The following VGLL2 variants were observed in gnomAD, a reference collection of about 807,000 sequenced individuals.
VGLL2 encodes the protein transcription cofactor vestigial-like protein 2.
VGLL2 carries 18 observed loss-of-function variants against 27.0 expected under a neutral mutation model. The observed-to-expected ratio is 0.67, with a 90% CI of 0.46 to 0.99. The LOEUF is 0.99. VGLL2 is among the 50% of genes least tolerant of loss of function. VGLL2 has a pLI of 0.00. For missense variants in VGLL2, 491 were observed against 452.3 expected (o/e 1.09, Z -0.78); for synonymous variants, 220 against 201.1 (o/e 1.09, Z -0.80).
chr6:117,271,694 G>A (rs939287881), intron 3 of VGLL2, among the ~76,000 whole-genome samples: 4 of 152,144 alleles, frequency 2.6e-5, no homozygotes, highest in Admixed American at 2.6e-4. Flanking sequence ...TAGAGTAGCT[G>A]CTGAGAGTAC....
Position 117,270,908 on chromosome 6 carries a change from C to G in VGLL2, c.757C>G (p.Arg253Gly), listed in dbSNP as rs1422700317. 2.4e-6 allele frequency: 3 copies of G among 1,257,894 alleles called. No homozygotes were observed. The highest frequency in any genetic ancestry group is 4.2e-5 in the Admixed American group (1 of 23,930). 77.9% of individuals were successfully genotyped at this position (1,257,894 alleles called of 1,614,324 possible). The change falls in exon 3 of 4, where the codon CGC (arginine) becomes GGC (glycine). Residue 253 changes from arginine (R) to glycine (G), a missense_variant. Transcript: ENST00000326274. ...GCCAGCCGCCTCGGGGCGCCCGGCCCGCCTCGCAACCGCCCCGGCGCCCGC... is the reference window on the plus strand; with the variant it reads ...GCCAGCCGCCTCGGGGCGCCCGGCCGGCCTCGCAACCGCCCCGGCGCCCGC... The part of the protein sequence containing the change: ...LMPAASGRPA[R>G]LATAPAPAPG...
chr6:117,271,948 G>C (rs1773210295), intron 3 of VGLL2, among the ~76,000 whole-genome samples: 1 of 152,128 alleles, frequency 6.6e-6, no homozygotes, highest in Admixed American at 6.5e-5. Flanking sequence ...GAAAGAAATA[G>C]TTATATAATA....
rs551230308 is a variant in VGLL2, at chr6:117,273,292, C to T, written c.*798C>T. On this transcript the variant is annotated 3_prime_UTR_variant, in exon 4 of 4. Coordinates refer to ENST00000326274, the MANE Select transcript of VGLL2 (RefSeq NM_182645.3). ...ACATTTTATGATGAAAGAAGAAACC[C>T]TTCTCTGCCTTCTCTCCCACGAATT... is the stretch of plus-strand genomic sequence containing the variant. 5 of 152,132 alleles carry T rather than the reference C, an allele frequency of 3.3e-5. No individual in the cohort carries two copies. Among genetic ancestry groups the T allele is most frequent in the African/African-American group, 9.7e-5 (4 of 41,424 alleles). The allele number at this position is 152,132 out of a possible 1,614,324, so 9.4% of individuals were successfully genotyped here. A position where few individuals can be genotyped will look rare whatever the true frequency, so the allele number is the denominator to read the frequency against.
At position 117,270,725 on chromosome 6, in the gene VGLL2, G is replaced by C; in HGVS notation, c.574G>C (p.Glu192Gln). The C allele has an allele frequency of 6.6e-7, 1 of 1,525,840 alleles. No individual in the cohort carries two copies. Among genetic ancestry groups the C allele is most frequent in the South Asian group, 1.2e-5 (1 of 83,182 alleles). 94.5% of individuals were successfully genotyped at this position (1,525,840 alleles called of 1,614,324 possible). The change falls in exon 3 of 4, where the codon GAG (glutamate) becomes CAG (glutamine). Residue 192 changes from glutamate to glutamine, a missense_variant. Physicochemically the swap from Glu to Gln is conservative, Grantham distance 29. Coordinates refer to ENST00000326274, the MANE Select transcript of VGLL2 (RefSeq NM_182645.3). ...TGGCCACCTGCACCAGGGCGCCACG[G>C]AGCCCTGGCACCACGCGCACCCGCA... The part of the protein sequence containing the change: ...LHGHLHQGAT[E>Q]PWHHAHPHHA...
chr6:117,270,495 C>T (rs1773161993), intron 2 of VGLL2, 48 bp from the exon 3 acceptor site: 3 of 1,525,320 alleles, frequency 2.0e-6, no homozygotes, highest in Non-Finnish European at 1.8e-6. Context: ...CGCAGTGACA[C>T]GCACCTCTTT....
chr6:117,270,913 C>T lies in VGLL2; in HGVS notation c.762C>T (p.Leu254=), dbSNP rs959381793. ...CCGCCTCGGGGCGCCCGGCCCGCCT[C>T]GCAACCGCCCCGGCGCCCGCGCCCG... ...MPAASGRPAR[L]ATAPAPAPGS... Residue 254 remains leucine (L), a synonymous_variant, in exon 3 of 4, where the codon CTC becomes CTT. Transcript: ENST00000326274. The T allele has an allele frequency of 1.6e-6, 2 of 1,250,470 alleles. No individual in the cohort carries two copies. Among genetic ancestry groups the T allele is most frequent in the South Asian group, 3.2e-5 (1 of 31,474 alleles). 77.5% of individuals were successfully genotyped at this position (1,250,470 alleles called of 1,614,324 possible).
chr6:117,271,375 G>A (rs1194080890), intron 3 of VGLL2, among the ~76,000 whole-genome samples: 1 of 150,438 alleles, frequency 6.6e-6, no homozygotes, highest in Non-Finnish European at 1.5e-5. Flanking sequence ...TTCTAGCTCT[G>A]CGCTGTTCAA....
Position 117,272,682 on chromosome 6 carries a change from G to C in VGLL2, c.*188G>C, listed in dbSNP as rs1249078022. 1 of 774,936 alleles carries C rather than the reference G, an allele frequency of 1.3e-6. No individual in the cohort carries two copies. Among genetic ancestry groups the C allele is most frequent in the African/African-American group, 1.8e-5 (1 of 56,770 alleles). 48.0% of individuals were successfully genotyped at this position (774,936 alleles called of 1,614,324 possible). A position where few individuals can be genotyped will look rare whatever the true frequency, so the allele number is the denominator to read the frequency against. On this transcript the variant is annotated 3_prime_UTR_variant, in exon 4 of 4. Transcript: ENST00000326274. ...AAAAATAAGTCCTGCTGCTGAAAGAGCAAATCCAAAGACTGAGTTATGTTT... is the reference window on the plus strand; with the variant it reads ...AAAAATAAGTCCTGCTGCTGAAAGACCAAATCCAAAGACTGAGTTATGTTT...
At chr6:117,271,581 A>C (rs1773202840) in intron 3 of VGLL2, among the ~76,000 whole-genome samples, 1 of 152,152 alleles carries the variant, frequency 6.6e-6, no homozygotes, top group African/African-American at 2.4e-5. Context: ...ATCGATTATA[A>C]AAAGTTTCAT....
chr6:117,265,699 A>G lies in VGLL2; in HGVS notation c.-65A>G. 2 of 1,411,876 alleles carry G rather than the reference A, an allele frequency of 1.4e-6. No homozygotes were observed. Among genetic ancestry groups the G allele is most frequent in the Admixed American group, 1.7e-5 (1 of 58,416 alleles). 87.5% of individuals were successfully genotyped at this position (1,411,876 alleles called of 1,614,324 possible). On this transcript the variant is annotated 5_prime_UTR_variant, in exon 1 of 4. Coordinates refer to ENST00000326274, the MANE Select transcript of VGLL2 (RefSeq NM_182645.3). ...CGGGTCCAAGCGCCGCCCATGCAGC[A>G]CCCCTGAGCTCCGGGGAAGGAGAGT... is the stretch of plus-strand genomic sequence containing the variant.
Position 117,272,668 on chromosome 6 carries a change from C to A in VGLL2, c.*174C>A. 1.1e-6 allele frequency: 1 copy of A among 898,396 alleles called. No homozygotes were observed. Among genetic ancestry groups the A allele is most frequent in the Non-Finnish European group, 1.7e-6 (1 of 601,618 alleles). The allele number at this position is 898,396 out of a possible 1,614,324, so 55.7% of individuals were successfully genotyped here. Reference sequence around the variant, plus strand: ...ACAGAAATTCATCTAAAAATAAGTCCTGCTGCTGAAAGAGCAAATCCAAAG... The same window carrying A: ...ACAGAAATTCATCTAAAAATAAGTCATGCTGCTGAAAGAGCAAATCCAAAG... On this transcript the variant is annotated 3_prime_UTR_variant, in exon 4 of 4. Coordinates refer to ENST00000326274, the MANE Select transcript of VGLL2 (RefSeq NM_182645.3).
chr6:117,271,256 C>G (rs961356955), intron 3 of VGLL2, among the ~76,000 whole-genome samples, 192 bp downstream of exon 3: 9 of 150,140 alleles, frequency 6.0e-5, no homozygotes, highest in African/African-American at 2.2e-4. Flanking sequence ...AAGTAGGACC[C>G]TACCCTAACC....
Position 117,270,781 on chromosome 6 carries a change from GGGCGGCGCCCTC to G in VGLL2, c.635_646del (p.Gly212_Gly215del). ...CGCACCCGCATCACCCCTACGCCCTGGGCGGCGCCCTCGGCGCCCAGGCCGCCCCCTACCCGC... is the reference window on the plus strand; with the variant it reads ...CGCACCCGCATCACCCCTACGCCCTGGGCGCCCAGGCCGCCCCCTACCCGC... On this transcript the variant is annotated inframe_deletion, in exon 3 of 4. Coordinates refer to ENST00000326274, the MANE Select transcript of VGLL2 (RefSeq NM_182645.3). 1 of 1,452,710 alleles carries G rather than the reference GGGCGGCGCCCTC, an allele frequency of 6.9e-7. No individual in the cohort carries two copies. The highest frequency in any genetic ancestry group is 9.0e-7 in the Non-Finnish European group (1 of 1,108,830). The allele number at this position is 1,452,710 out of a possible 1,614,324, so 90.0% of individuals were successfully genotyped here.
Position 117,270,538 on chromosome 6 carries a change from T to A in VGLL2, c.392-5T>A, listed in dbSNP as rs1224888843. The A allele has an allele frequency of 3.1e-6, 5 of 1,591,834 alleles. No individual in the cohort carries two copies. The highest frequency in any genetic ancestry group is 4.3e-6 in the Non-Finnish European group (5 of 1,170,516). On this transcript the variant is annotated splice_region_variant and splice_polypyrimidine_tract_variant and intron_variant, in intron 2 of 3. Transcript: ENST00000326274. ...CTCCACTCCGCCTCCCCGGCCGGCC[T>A]ACAGACTGCTCCTTCCCGATGAGCC...
intron 2 of VGLL2, 140 bp downstream of exon 2, chr6:117,268,631 A>G (rs1022498511): frequency 2.2e-6 from 2 of 924,386 alleles, no homozygotes; most frequent in East Asian, 5.3e-5. Flanking sequence ...GGAAAGGGTA[A>G]GGAAAACGCA....
chr6:117,270,417 G>A, intron 2 of VGLL2, 126 bp from the exon 3 acceptor site: 1 of 1,274,018 alleles, frequency 7.8e-7, no homozygotes, highest in Non-Finnish European at 1.0e-6. Flanking sequence ...GCCATGGCTA[G>A]CCAGCCCTGT....
chr6:117,272,444 T>G lies in VGLL2; in HGVS notation c.914-10T>G. ...GTGGGTTTGTAACAGCTTCTGATCT[T>G]GGTTTGCAGCTCGTCGTTATTCCCT... On this transcript the variant is annotated splice_polypyrimidine_tract_variant and intron_variant, in intron 3 of 3. Coordinates refer to ENST00000326274, the MANE Select transcript of VGLL2 (RefSeq NM_182645.3). The G allele has an allele frequency of 1.9e-6, 3 of 1,614,182 alleles. No homozygotes were observed. Among genetic ancestry groups the G allele is most frequent in the Non-Finnish European group, 2.5e-6 (3 of 1,180,038 alleles).
chr6:117,268,468 C>A lies in VGLL2; in HGVS notation c.368C>A (p.Pro123Gln), dbSNP rs1359900548. The A allele has an allele frequency of 1.2e-6, 2 of 1,612,532 alleles. No homozygotes were observed. The highest frequency in any genetic ancestry group is 1.7e-5 in the Admixed American group (1 of 59,730). The change falls in exon 2 of 4, where the codon CCA becomes CAA. Residue 123 changes from proline to glutamine, a missense_variant. Coordinates refer to ENST00000326274, the MANE Select transcript of VGLL2 (RefSeq NM_182645.3). ...YSPSCTSSKA[P>Q]RSSGPWRDCS... ...CCTAGCTGTACCAGCAGCAAAGCAC[C>A]AAGGAGCTCTGGGCCCTGGCGAGGT...
intron 1 of VGLL2, among the ~76,000 whole-genome samples, chr6:117,267,243 C>T (rs992568131): frequency 5.9e-5 from 9 of 152,134 alleles, no homozygotes; most frequent in Non-Finnish European, 1.3e-4. Context: ...GCCATCTCTG[C>T]CTGCAGAATG....
Sources: allele counts gnomAD v4.1 joint callset (sites outside exome capture counted in the v4.1 genomes callset), GRCh38; gene constraint gnomAD v4.1.1; transcripts MANE v1.5; gene names NCBI Gene and HGNC (gene_info 2026-07-23, HGNC 2026-07-21).